Variants in ADARB1 observed in about 807,000 individuals in gnomAD.
The protein encoded by ADARB1 is double-stranded RNA-specific editase 1.
In ADARB1, 10 loss-of-function variants were observed where a neutral mutation model predicts 52.4. The ratio of observed to expected loss-of-function variants is 0.19; its 90% confidence interval spans 0.12 to 0.32. The LOEUF is 0.32. Ranked by LOEUF, ADARB1 falls within the 10% of genes least tolerant of loss-of-function variation. The pLI is 1.00. For synonymous variants in ADARB1, 349 were observed against 371.1 expected (o/e 0.94, Z 0.68); for missense variants, 643 against 922.3 (o/e 0.70, Z 3.92).
chr21:45,183,269 C>A (rs1309264729), intron 6 of ADARB1, 93 bp from the exon 7 acceptor site: 6 of 1,237,374 alleles, frequency 4.8e-6, no homozygotes, highest in South Asian at 1.7e-5. Flanking sequence ...ACTTATCTTT[C>A]CCTTGTGGAA....
chr21:45,162,999 T>C (rs1165594408), intron 2 of ADARB1, among the ~76,000 whole-genome samples: 1 of 152,200 alleles, frequency 6.6e-6, no homozygotes, highest in Non-Finnish European at 1.5e-5. Context: ...CACCCAGTGC[T>C]CCCTTGCCCA....
At chr21:45,117,257 C>T (rs995754523) in intron 1 of ADARB1, among the ~76,000 whole-genome samples, 1 of 152,152 alleles carries the variant, frequency 6.6e-6, no homozygotes, top group Non-Finnish European at 1.5e-5. Context: ...GGAGGACATC[C>T]CCCAAGGACT....
chr21:45,138,763 C>A (rs546897576), intron 2 of ADARB1, among the ~76,000 whole-genome samples: 4 of 152,254 alleles, frequency 2.6e-5, no homozygotes, highest in Admixed American at 6.5e-5. Flanking sequence ...AACCACGCCC[C>A]CTGCTGGTCA....
chr21:45,212,989 G>T (rs141275338), intron 9 of ADARB1, among the ~76,000 whole-genome samples: 3 of 152,290 alleles, frequency 2.0e-5, no homozygotes, highest in Admixed American at 1.3e-4. Flanking sequence ...GCATGGTTCT[G>T]GGTGTTGGGA....
chr21:45,170,712 CA>C (rs1414534324), intron 2 of ADARB1, among the ~76,000 whole-genome samples: 1 of 151,962 alleles, frequency 6.6e-6, no homozygotes, highest in African/African-American at 2.4e-5. Flanking sequence ...TATTTGTACA[CA>C]AAGTAACGTG....
chr21:45,148,219 C>T (rs1216590513), intron 2 of ADARB1, among the ~76,000 whole-genome samples: 1 of 152,188 alleles, frequency 6.6e-6, no homozygotes, highest in African/African-American at 2.4e-5. Context: ...CGGACCTGCC[C>T]ACCAGTTCCC....
At chr21:45,178,461 C>T (rs569165309) in intron 4 of ADARB1, among the ~76,000 whole-genome samples, 10 of 152,334 alleles carry the variant, frequency 6.6e-5, no homozygotes, top group East Asian at 1.9e-4. Context: ...GAGTCTCTGC[C>T]GGAGTGGAAC....
At chr21:45,078,619 G>A (rs2086036058) in intron 1 of ADARB1, among the ~76,000 whole-genome samples, 1 of 152,216 alleles carries the variant, frequency 6.6e-6, no homozygotes, top group Non-Finnish European at 1.5e-5. Context: ...GTCACCTCAG[G>A]GAGGCCATTG....
intron 2 of ADARB1, among the ~76,000 whole-genome samples, chr21:45,155,822 TCATC>T (rs1250306738): frequency 2.0e-5 from 2 of 98,826 alleles, no homozygotes; most frequent in East Asian, 3.6e-4. Flanking sequence ...CCATTATCCA[TCATC>T]CATCCATCCA....
intron 3 of ADARB1, 188 bp downstream of exon 3, chr21:45,171,872 C>T (rs1485744026): frequency 6.2e-5 from 36 of 583,314 alleles, no homozygotes; most frequent in African/African-American, 5.8e-5. Context: ...TTGCTGCAGA[C>T]GTTTTTCCTT....
intron 1 of ADARB1, among the ~76,000 whole-genome samples, chr21:45,090,232 T>A (rs901560925): frequency 1.3e-5 from 2 of 152,232 alleles, no homozygotes. Flanking sequence ...TTTCCTGATA[T>A]TAAACATTCC....
intron 1 of ADARB1, among the ~76,000 whole-genome samples, chr21:45,079,015 C>T (rs2086053154): frequency 6.6e-6 from 1 of 152,122 alleles, no homozygotes; most frequent in Non-Finnish European, 1.5e-5. Context: ...CTCCTTACTG[C>T]AGCTTGCTTT....
rs1455951484 is a variant in ADARB1 at position 45,074,645 on chromosome 21, T to A, written c.-368T>A. 1.5e-5 allele frequency: 2 copies of A among 133,926 alleles called. No homozygotes were observed. Among genetic ancestry groups the A allele is most frequent in the African/African-American group, 5.1e-5 (2 of 39,346 alleles). The allele number at this position is 133,926 out of a possible 1,614,324, so 8.3% of individuals were successfully genotyped here. A position where few individuals can be genotyped will look rare whatever the true frequency, so the allele number is the denominator to read the frequency against. ...GGCAGCGGCGGCCAAGCGGCCAGGTTGGCGGCCGGGGCTCCGGGCCGCGCG... is the reference window on the plus strand; with the variant it reads ...GGCAGCGGCGGCCAAGCGGCCAGGTAGGCGGCCGGGGCTCCGGGCCGCGCG... On this transcript the variant is annotated 5_prime_UTR_variant, in exon 1 of 11. Coordinates refer to ENST00000348831, the MANE Select transcript of ADARB1 (RefSeq NM_001112.4).
chr21:45,102,024 G>C (rs937033316), intron 1 of ADARB1, among the ~76,000 whole-genome samples: 2 of 152,120 alleles, frequency 1.3e-5, no homozygotes, highest in South Asian at 4.1e-4. Flanking sequence ...AGCTGGGACT[G>C]TGGGGCTACA....
At chr21:45,202,207 C>G (rs951632866) in intron 8 of ADARB1, among the ~76,000 whole-genome samples, 1 of 152,158 alleles carries the variant, frequency 6.6e-6, no homozygotes. Context: ...GGGGGCATGA[C>G]TTGACCCATG....
chr21:45,086,697 C>T (rs1408055763), intron 1 of ADARB1, among the ~76,000 whole-genome samples: 1 of 152,180 alleles, frequency 6.6e-6, no homozygotes, highest in African/African-American at 2.4e-5. Context: ...GTAGCGTGTT[C>T]GTTTATTCCA....
chr21:45,216,930 G>A (rs1569182571), intron 9 of ADARB1, among the ~76,000 whole-genome samples: 1 of 151,702 alleles, frequency 6.6e-6, no homozygotes, highest in Admixed American at 6.6e-5. Context: ...TTAATAAACC[G>A]ACCTCCTTTA....
intron 1 of ADARB1, among the ~76,000 whole-genome samples, chr21:45,118,904 C>T (rs2087984000): frequency 1.3e-5 from 2 of 152,194 alleles, no homozygotes; most frequent in African/African-American, 4.8e-5. Context: ...TTTCGTCTGC[C>T]TTATGCCCTA....
Position 45,157,794 on chromosome 21 carries a change from A to G in ADARB1, c.-47-13816A>G, listed in dbSNP as rs1057326613. ...TGTGGCACAGCTGGCCCTCGAAGTC[A>G]CTCAGGGACCTAGGTTTCTTCCATC... On this transcript the variant is annotated intron_variant, in intron 2 of 10. Coordinates refer to ENST00000348831, the MANE Select transcript of ADARB1 (RefSeq NM_001112.4). This position sits in a 1 kb window ranked among gnomAD's most constrained non-coding sequence, Gnocchi z 4.1. 3.0e-4 allele frequency among the ~76,000 whole-genome samples: 46 copies of G among 152,190 alleles called. No homozygotes were observed. The highest frequency in any genetic ancestry group is 1.1e-3 in the African/African-American group (44 of 41,438).
Sources: allele counts gnomAD v4.1 joint callset (sites outside exome capture counted in the v4.1 genomes callset), GRCh38; gene constraint gnomAD v4.1.1; non-coding constraint Gnocchi (gnomAD v3.1); transcripts MANE v1.5; gene names NCBI Gene and HGNC (gene_info 2026-07-23, HGNC 2026-07-21).